LOC128092252: variants seen among roughly 807,000 people sequenced by gnomAD.
chr15:50,656,524 CAG>C, the LOC128092252 span, among the ~76,000 whole-genome samples: 10 of 146,276 alleles, frequency 6.8e-5, no homozygotes, highest in East Asian at 2.0e-3. Context: ...TTGGTAGACA[CAG>C]GGTCTCACTA....
At chr15:50,669,296 G>GT in the LOC128092252 span, among the ~76,000 whole-genome samples, 1 of 150,494 alleles carries the variant, frequency 6.6e-6, no homozygotes, top group African/African-American at 2.5e-5. Flanking sequence ...TTAGCCAGGC[G>GT]TGGTGGTGTG....
the LOC128092252 span, among the ~76,000 whole-genome samples, chr15:50,668,600 G>A: frequency 1.7e-4 from 26 of 152,040 alleles, no homozygotes; most frequent in Non-Finnish European, 2.9e-4. Flanking sequence ...CTCTGCCTCC[G>A]GGGTCCAAGT....
the LOC128092252 span, among the ~76,000 whole-genome samples, chr15:50,659,857 G>A: frequency 1.3e-4 from 20 of 151,990 alleles, no homozygotes; most frequent in Non-Finnish European, 2.1e-4. Context: ...TAGTAGAGAC[G>A]CGGTTTCACC....
chr15:50,662,081 G>A, the LOC128092252 span, among the ~76,000 whole-genome samples: 30,854 of 151,990 alleles, frequency 0.2, 3,533 homozygotes, highest in East Asian at 0.46. Flanking sequence ...AGGGCTGGGC[G>A]CGGTGGCTCA....
the LOC128092252 span, among the ~76,000 whole-genome samples, chr15:50,685,480 A>G: frequency 6.6e-6 from 1 of 152,192 alleles, no homozygotes; most frequent in African/African-American, 2.4e-5. Flanking sequence ...AAAAAAGAAT[A>G]AGGTGGAAAA....
chr15:50,673,312 T>C, the LOC128092252 span, among the ~76,000 whole-genome samples: 3 of 152,162 alleles, frequency 2.0e-5, no homozygotes, highest in Non-Finnish European at 4.4e-5. Context: ...CAGGTAGTGT[T>C]TAGTTACATA....
the LOC128092252 span, among the ~76,000 whole-genome samples, chr15:50,655,303 T>A: frequency 1.3e-5 from 2 of 151,214 alleles, no homozygotes; most frequent in East Asian, 3.9e-4. Flanking sequence ...CATGGTGGCA[T>A]GCGTCTGTAA....
chr15:50,668,680 G>A, the LOC128092252 span, among the ~76,000 whole-genome samples: 6 of 152,132 alleles, frequency 3.9e-5, no homozygotes, highest in East Asian at 1.2e-3. Flanking sequence ...GCTACTTTTT[G>A]TATCTTTAGT....
At chr15:50,679,020 C>T in the LOC128092252 span, among the ~76,000 whole-genome samples, 14 of 152,160 alleles carry the variant, frequency 9.2e-5, no homozygotes, top group African/African-American at 2.7e-4. Context: ...ACTACAGGTG[C>T]GTGCCACCAC....
the LOC128092252 span, among the ~76,000 whole-genome samples, chr15:50,666,231 G>A: frequency 8.0e-3 from 1,213 of 152,086 alleles, 11 homozygotes; most frequent in Middle Eastern, 0.027. Context: ...GAGTCCAGGA[G>A]TTTGAGACCA....
chr15:50,663,042 T>C, the LOC128092252 span: 4 of 1,612,318 alleles, frequency 2.5e-6, no homozygotes, highest in Non-Finnish European at 3.4e-6. Context: ...CCAGGATTTC[T>C]GGGACTAAAA....
At chr15:50,656,445 G>C in the LOC128092252 span, among the ~76,000 whole-genome samples, 5 of 151,702 alleles carry the variant, frequency 3.3e-5, no homozygotes, top group African/African-American at 1.2e-4. Context: ...AGCCTCTTAA[G>C]TAGCTGGGAC....
At chr15:50,655,518 G>C in the LOC128092252 span, among the ~76,000 whole-genome samples, 7 of 149,484 alleles carry the variant, frequency 4.7e-5, no homozygotes, top group Non-Finnish European at 1.0e-4. Context: ...AGCAGAATAA[G>C]TACAAAGAGA....
the LOC128092252 span, chr15:50,662,938 G>T: frequency 6.7e-7 from 1 of 1,498,500 alleles, no homozygotes; most frequent in Admixed American, 1.9e-5. Context: ...ATTTCTAGAA[G>T]ACCCCAGAAG....
the LOC128092252 span, among the ~76,000 whole-genome samples, chr15:50,649,714 A>C: frequency 2.6e-4 from 40 of 152,326 alleles, no homozygotes; most frequent in Non-Finnish European, 5.3e-4. Flanking sequence ...ATACTGGACT[A>C]TAACACCATA....
chr15:50,667,207 C>T, the LOC128092252 span, among the ~76,000 whole-genome samples: 2 of 152,112 alleles, frequency 1.3e-5, no homozygotes, highest in African/African-American at 2.4e-5. Context: ...ATGCTCTTGG[C>T]CCCCTAGAAG....
chr15:50,684,072 G>C, the LOC128092252 span, among the ~76,000 whole-genome samples: 1,447 of 151,896 alleles, frequency 9.5e-3, 18 homozygotes, highest in African/African-American at 0.033. Context: ...GGCTAGTTTT[G>C]AACTCCTGAC....
the LOC128092252 span, among the ~76,000 whole-genome samples, chr15:50,677,613 C>A: frequency 1.3e-4 from 20 of 151,694 alleles, no homozygotes; most frequent in Admixed American, 1.3e-3. Context: ...GTGTCACGCG[C>A]CTGTAATCCC....
chr15:50,670,725 C>A, the LOC128092252 span, among the ~76,000 whole-genome samples: 2 of 151,290 alleles, frequency 1.3e-5, no homozygotes, highest in African/African-American at 4.9e-5. Context: ...GCCCTCAGGA[C>A]TGCTCAACCT....
Sources: allele counts gnomAD v4.1 joint callset (sites outside exome capture counted in the v4.1 genomes callset), GRCh38; gene constraint gnomAD v4.1.1; transcripts MANE v1.5.